The following KCNQ3 variants were observed in gnomAD, a reference collection of about 807,000 sequenced individuals.
KCNQ3 encodes the protein potassium voltage-gated channel subfamily KQT member 3.
Under a neutral mutation model 92.5 loss-of-function variants are expected in KCNQ3, and 30 were observed. The observed-to-expected ratio is 0.32, with a 90% CI of 0.24 to 0.44. The LOEUF (loss-of-function observed/expected upper bound fraction) is 0.44. Ranked by LOEUF, KCNQ3 falls within the 20% of genes least tolerant of loss-of-function variation. The pLI is 1.00. For missense variants in KCNQ3, 913 were observed against 1,140.3 expected (o/e 0.80, Z 2.87); for synonymous variants, 450 against 468.8 (o/e 0.96, Z 0.52).
intron 1 of KCNQ3, among the ~76,000 whole-genome samples, chr8:132,316,612 T>C (rs754883564): frequency 2.0e-5 from 3 of 152,220 alleles, no homozygotes; most frequent in Admixed American, 6.5e-5. Flanking sequence ...CATGGGATCA[T>C]TGAGCCCAAG....
intron 1 of KCNQ3, among the ~76,000 whole-genome samples, chr8:132,231,749 T>C (rs1466774065): frequency 2.0e-5 from 3 of 152,228 alleles, no homozygotes; most frequent in Admixed American, 2.0e-4. Context: ...AACTAACTGA[T>C]ACACATGCCA....
At chr8:132,453,957 G>A (rs1821883154) in intron 1 of KCNQ3, among the ~76,000 whole-genome samples, 1 of 152,192 alleles carries the variant, frequency 6.6e-6, no homozygotes, top group Non-Finnish European at 1.5e-5. Context: ...GGTTTGGTTT[G>A]GAACTCAGCT....
intron 1 of KCNQ3, among the ~76,000 whole-genome samples, chr8:132,276,372 G>A (rs1816330336): frequency 6.6e-6 from 1 of 152,062 alleles, no homozygotes; most frequent in Non-Finnish European, 1.5e-5. Context: ...GGAGTGACAG[G>A]GGAGCTGTCA....
chr8:132,147,149 G>A (rs1825475459), intron 9 of KCNQ3, among the ~76,000 whole-genome samples: 1 of 152,220 alleles, frequency 6.6e-6, no homozygotes, highest in Non-Finnish European at 1.5e-5. Context: ...TGCTACTGCT[G>A]TGGAGTAGGG....
intron 1 of KCNQ3, among the ~76,000 whole-genome samples, chr8:132,190,127 T>G (rs1047598338): frequency 6.6e-6 from 1 of 152,122 alleles, no homozygotes; most frequent in African/African-American, 2.4e-5. Flanking sequence ...ACAGCTGAAC[T>G]AATTTGGCAG....
chr8:132,247,664 G>A (rs755028849), intron 1 of KCNQ3, among the ~76,000 whole-genome samples: 9 of 152,094 alleles, frequency 5.9e-5, no homozygotes, highest in Middle Eastern at 3.4e-3. Context: ...CGGGCGTGGC[G>A]GTGGGAGCCT....
chr8:132,355,281 GCCTAAGATGC>G (rs1228246755), intron 1 of KCNQ3, among the ~76,000 whole-genome samples: 3 of 151,926 alleles, frequency 2.0e-5, no homozygotes, highest in South Asian at 2.1e-4. Flanking sequence ...ATCTAGTAGG[GCCTAAGATGC>G]CCTAAGATGC....
At chr8:132,364,930 G>A (rs1015678689) in intron 1 of KCNQ3, among the ~76,000 whole-genome samples, 1 of 152,028 alleles carries the variant, frequency 6.6e-6, no homozygotes. Context: ...TCCTTTTACA[G>A]ACAAACTAAG....
chr8:132,470,989 G>A (rs1464433066), intron 1 of KCNQ3, among the ~76,000 whole-genome samples: 1 of 152,206 alleles, frequency 6.6e-6, no homozygotes, highest in Non-Finnish European at 1.5e-5. Context: ...GGATGGGTTA[G>A]TTTGTCTCAT....
At chr8:132,377,790 G>A (rs754220009) in intron 1 of KCNQ3, among the ~76,000 whole-genome samples, 20 of 152,240 alleles carry the variant, frequency 1.3e-4, no homozygotes, top group East Asian at 9.7e-4. Flanking sequence ...CTCTGATTCC[G>A]TTTTCTCATC....
chr8:132,472,610 G>T (rs1587053443), intron 1 of KCNQ3, among the ~76,000 whole-genome samples: 1 of 152,188 alleles, frequency 6.6e-6, no homozygotes, highest in Non-Finnish European at 1.5e-5. Flanking sequence ...TTGGAAGGAT[G>T]AATGTGCAGG....
chr8:132,417,098 C>T (rs1820826329), intron 1 of KCNQ3, among the ~76,000 whole-genome samples: 1 of 152,220 alleles, frequency 6.6e-6, no homozygotes, highest in Non-Finnish European at 1.5e-5. Flanking sequence ...TTTAACCTGA[C>T]AGGCTGTACG....
At position 132,126,427 on chromosome 8, in the gene KCNQ3, A is replaced by G. The variant is rs1363872669; in HGVS notation, c.*2835T>C. 6.6e-6 allele frequency: 1 copy of G among 152,140 alleles called. No homozygotes were observed. Among genetic ancestry groups the G allele is most frequent in the Non-Finnish European group, 1.5e-5 (1 of 68,042 alleles). The allele number at this position is 152,140 out of a possible 1,614,324, so 9.4% of individuals were successfully genotyped here. A position where few individuals can be genotyped will look rare whatever the true frequency, so the allele number is the denominator to read the frequency against. ...AGATTGTCTGTGCATAGGCAACTTGAGCAGGTTTGGTTTGCCTTTCTGGAA... is the reference window on the plus strand; with the variant it reads ...AGATTGTCTGTGCATAGGCAACTTGGGCAGGTTTGGTTTGCCTTTCTGGAA... On this transcript the variant is annotated 3_prime_UTR_variant, in exon 15 of 15. Transcript: ENST00000388996.
chr8:132,133,702 C>T (rs190389151), intron 13 of KCNQ3, among the ~76,000 whole-genome samples: 71 of 152,310 alleles, frequency 4.7e-4, no homozygotes, highest in Middle Eastern at 6.8e-3. Flanking sequence ...TTAAGCCTAA[C>T]TCCCTCACTC....
At chr8:132,305,208 T>C (rs1217575015) in intron 1 of KCNQ3, among the ~76,000 whole-genome samples, 2 of 152,232 alleles carry the variant, frequency 1.3e-5, no homozygotes, top group Admixed American at 6.5e-5. Flanking sequence ...AGCCATGACA[T>C]GTAACACAAA....
chr8:132,136,041 C>T (rs2130934818), intron 12 of KCNQ3, among the ~76,000 whole-genome samples: 1 of 146,938 alleles, frequency 6.8e-6, no homozygotes, highest in East Asian at 2.0e-4. Flanking sequence ...ATCACTTGAA[C>T]CCGGGAGGCA....
At chr8:132,228,512 T>G (rs1814506711) in intron 1 of KCNQ3, among the ~76,000 whole-genome samples, 1 of 152,172 alleles carries the variant, frequency 6.6e-6, no homozygotes, top group Non-Finnish European at 1.5e-5. Flanking sequence ...CAGAGAATTC[T>G]TGAGAGTTTT....
At position 132,191,733 on chromosome 8, in the gene KCNQ3, C is replaced by T. The variant is rs1256083189; in HGVS notation, c.387-5552G>A. Among the ~76,000 whole-genome samples the T allele has an allele frequency of 4.6e-5, 7 of 151,706 alleles. No homozygotes were observed. In the East Asian group the frequency reaches 5.8e-4, roughly 13 times the overall value. The stretch of plus-strand genomic sequence containing the variant: ...TCTGCCAGGACAGCAGTCAAGACGA[C>T]GTTATCATGAGCTGACCAGAGAGGA... On this transcript the variant is annotated intron_variant, in intron 1 of 14. Coordinates refer to ENST00000388996, the MANE Select transcript of KCNQ3 (RefSeq NM_004519.4).
chr8:132,138,611 T>C (rs781424573), intron 11 of KCNQ3, among the ~76,000 whole-genome samples: 4 of 152,212 alleles, frequency 2.6e-5, no homozygotes, highest in Admixed American at 2.0e-4. Flanking sequence ...CCAGAACTGG[T>C]AGATGAAATC....
Sources: gnomAD v4.1 joint callset for allele counts (sites outside exome capture counted in the v4.1 genomes callset) on GRCh38, gnomAD v4.1.1 for gene constraint, MANE v1.5 for transcripts, NCBI Gene and HGNC (gene_info 2026-07-23, HGNC 2026-07-21) for gene names.